Variants in RAB6B observed in about 807,000 individuals in gnomAD.
The protein encoded by RAB6B is ras-related protein Rab-6B.
Under a neutral mutation model 31.2 loss-of-function variants are expected in RAB6B, and 7 were observed. That is an observed-to-expected ratio of 0.22 (90% confidence interval 0.13 to 0.42). RAB6B has a LOEUF of 0.42. RAB6B is among the 10% of genes least tolerant of loss of function. RAB6B has a pLI of 1.00. For synonymous variants in RAB6B, 105 were observed against 104.9 expected, an observed-to-expected ratio of 1.00 and a Z score of -0.01; for missense variants, 149 against 280.6, an observed-to-expected ratio of 0.53 and a Z score of 3.35.
chr3:133,893,850 C>T (rs1331774396), intron 1 of RAB6B, among the ~76,000 whole-genome samples: 1 of 152,130 alleles, frequency 6.6e-6, no homozygotes, highest in Non-Finnish European at 1.5e-5. Context: ...AAATCCCTTC[C>T]AGACACAGGG....
chr3:133,889,548 C>A (rs1441876086), intron 1 of RAB6B, among the ~76,000 whole-genome samples: 1 of 151,178 alleles, frequency 6.6e-6, no homozygotes, highest in Non-Finnish European at 1.5e-5. Flanking sequence ...GATTCTCCTG[C>A]CTCAGGTTCC....
chr3:133,841,444 C>T, intron 3 of RAB6B, 54 bp from the exon 4 acceptor site: 1 of 1,587,142 alleles, frequency 6.3e-7, no homozygotes, highest in East Asian at 2.2e-5. Flanking sequence ...GCAGTGAGGT[C>T]CTCCTGGTCC....
chr3:133,831,071 G>C (rs1167034584), intron 7 of RAB6B, among the ~76,000 whole-genome samples: 1 of 152,204 alleles, frequency 6.6e-6, no homozygotes, highest in African/African-American at 2.4e-5. Context: ...GCCCAGTATT[G>C]AAGTCACCTA....
chr3:133,884,775 G>T (rs2108014169), intron 1 of RAB6B, among the ~76,000 whole-genome samples: 1 of 151,910 alleles, frequency 6.6e-6, no homozygotes, highest in Non-Finnish European at 1.5e-5. Context: ...GTGCCCAAAG[G>T]ACAGGGGGCC....
chr3:133,881,198 T>G (rs971493306), intron 1 of RAB6B, among the ~76,000 whole-genome samples: 55 of 152,162 alleles, frequency 3.6e-4, no homozygotes, highest in African/African-American at 1.3e-3. Flanking sequence ...TGCTGCGAGC[T>G]CTGGGTCCCT....
At chr3:133,890,854 T>G (rs1213800280) in intron 1 of RAB6B, among the ~76,000 whole-genome samples, 1 of 152,196 alleles carries the variant, frequency 6.6e-6, no homozygotes. Flanking sequence ...TTTAAAATCC[T>G]TAGCTAACAG....
At chr3:133,869,835 A>T (rs1936291345) in intron 1 of RAB6B, among the ~76,000 whole-genome samples, 1 of 152,186 alleles carries the variant, frequency 6.6e-6, no homozygotes, top group Non-Finnish European at 1.5e-5. Context: ...TGAGTGAGCG[A>T]GCCTTCAGGT....
At chr3:133,845,905 G>A (rs548141241) in intron 2 of RAB6B, among the ~76,000 whole-genome samples, 26 of 152,218 alleles carry the variant, frequency 1.7e-4, no homozygotes, top group African/African-American at 5.8e-4. Context: ...ATGGGTGACT[G>A]TCAAGAGATT....
chr3:133,892,207 G>A (rs116686527), intron 1 of RAB6B, among the ~76,000 whole-genome samples: 3,215 of 152,122 alleles, frequency 0.021, 52 homozygotes, highest in Middle Eastern at 0.065. Context: ...CAGCACAGGG[G>A]CATACCCAAT....
At chr3:133,846,516 A>G (rs1044060879) in intron 2 of RAB6B, among the ~76,000 whole-genome samples, 34 of 152,198 alleles carry the variant, frequency 2.2e-4, no homozygotes, top group African/African-American at 7.7e-4. Context: ...AGCAAAAAAC[A>G]TCTTGAGAAT....
chr3:133,870,968 T>C (rs1189107068), intron 1 of RAB6B, among the ~76,000 whole-genome samples: 1 of 152,210 alleles, frequency 6.6e-6, no homozygotes, highest in Non-Finnish European at 1.5e-5. Context: ...ACTGCCTACC[T>C]GGACCTCACC....
rs1393634285 is a variant in RAB6B at position 133,827,539 on chromosome 3, T to C, written c.*1249A>G. 2.2e-5 allele frequency: 5 copies of C among 229,692 alleles called. No individual in the cohort carries two copies. The South Asian group carries it at 4.4e-4, about 20-fold the overall frequency. 14.2% of individuals were successfully genotyped at this position (229,692 alleles called of 1,614,324 possible). A position where few individuals can be genotyped will look rare whatever the true frequency, so the allele number is the denominator to read the frequency against. On this transcript the variant is annotated 3_prime_UTR_variant, in exon 8 of 8. Transcript: ENST00000285208. ...ATGGCTCTCTGGGGGCAAGCAGCCT[T>C]CTGGAGACCCCACCTGAACCACATC...
intron 2 of RAB6B, among the ~76,000 whole-genome samples, chr3:133,856,073 A>G (rs1936072326): frequency 6.6e-6 from 1 of 152,032 alleles, no homozygotes. Context: ...GGCAGAATGG[A>G]AAAAGCAATA....
chr3:133,836,232 T>C (rs1239924853), intron 6 of RAB6B, among the ~76,000 whole-genome samples: 3 of 152,108 alleles, frequency 2.0e-5, no homozygotes, highest in Non-Finnish European at 4.4e-5. Context: ...GGCTCTGCAG[T>C]GGGGTAGCCA....
At chr3:133,846,703 A>C (rs2107994167) in intron 2 of RAB6B, among the ~76,000 whole-genome samples, 1 of 152,350 alleles carries the variant, frequency 6.6e-6, no homozygotes, top group South Asian at 2.1e-4. Context: ...AGAACAACAC[A>C]TTACATACAA....
At chr3:133,844,234 C>T (rs2107992978) in intron 2 of RAB6B, among the ~76,000 whole-genome samples, 1 of 152,350 alleles carries the variant, frequency 6.6e-6, no homozygotes, top group African/African-American at 2.4e-5. Flanking sequence ...CATCCACATA[C>T]TTTCTCTCAC....
chr3:133,856,947 T>C (rs762281418), intron 2 of RAB6B, among the ~76,000 whole-genome samples: 7 of 152,292 alleles, frequency 4.6e-5, no homozygotes, highest in East Asian at 3.9e-4. Flanking sequence ...ACTCTATTAA[T>C]ATAAAAAATA....
At chr3:133,845,090 A>G (rs992715619) in intron 2 of RAB6B, among the ~76,000 whole-genome samples, 2 of 152,240 alleles carry the variant, frequency 1.3e-5, no homozygotes, top group Admixed American at 6.5e-5. Flanking sequence ...CTCAGACTCC[A>G]CTGAAACACC....
At chr3:133,854,540 G>T (rs77347383) in intron 2 of RAB6B, among the ~76,000 whole-genome samples, 3,969 of 152,288 alleles carry the variant, frequency 0.026, 181 homozygotes, top group African/African-American at 0.091. Context: ...CTGCTGGGAT[G>T]AGATTGCTCC....
Sources: allele counts gnomAD v4.1 joint callset (sites outside exome capture counted in the v4.1 genomes callset), GRCh38; gene constraint gnomAD v4.1.1; transcripts MANE v1.5; gene names NCBI Gene and HGNC (gene_info 2026-07-23, HGNC 2026-07-21).